The following ADGRL2 variants were observed in gnomAD, a reference collection of about 807,000 sequenced individuals.
The protein encoded by ADGRL2 is calcium-independent alpha-latrotoxin receptor 2.
ADGRL2 carries 44 observed loss-of-function variants against 157.4 expected under a neutral mutation model. The ratio of observed to expected loss-of-function variants is 0.28; its 90% CI spans 0.22 to 0.36. The LOEUF (loss-of-function observed/expected upper bound fraction) is 0.36, where lower values mean the gene tolerates loss of function less well. Among genes scored for constraint, ADGRL2 ranks in the 10% least tolerant of loss-of-function variants. The pLI is 1.00. For synonymous variants in ADGRL2, 585 were observed against 624.7 expected (o/e 0.94, Z 0.95); for missense variants, 1,510 against 1,768.9 (o/e 0.85, Z 2.63).
At chr1:81,550,006 C>A (rs2080107472) in intron 2 of ADGRL2, among the ~76,000 whole-genome samples, 1 of 152,092 alleles carries the variant, frequency 6.6e-6, no homozygotes, top group Non-Finnish European at 1.5e-5. Context: ...CCCTTGATAC[C>A]TAATAACTTC....
At chr1:81,885,490 C>T (rs1450107562) in intron 2 of ADGRL2, among the ~76,000 whole-genome samples, 1 of 152,156 alleles carries the variant, frequency 6.6e-6, no homozygotes, top group African/African-American at 2.4e-5. Context: ...CAAGAATATA[C>T]TACTGCTTAC....
rs764039251 is a variant in ADGRL2 at position 81,343,087 on chromosome 1, C to CTTTTTTTTTTTTTTT, written c.-302+36582_-302+36583insTTTTTTTTTTTTTTT. ...TTTTTCTTTTCTTTTTTTCTTTTTT[C>CTTTTTTTTTTTTTTT]TTTTCTTTTTTTTTTTTTTGAGACA... On this transcript the variant is annotated intron_variant, in intron 1 of 24. Coordinates refer to the ADGRL2 transcript ENST00000370721. 1.1e-3 allele frequency among the ~76,000 whole-genome samples: 146 copies of CTTTTTTTTTTTTTTT among 127,460 alleles called. 4 individuals are homozygous for CTTTTTTTTTTTTTTT. The highest frequency in any genetic ancestry group is 1.5e-3 in the Non-Finnish European group (93 of 60,060). The allele number at this position is 127,460 out of a possible 152,430, so 83.6% of individuals were successfully genotyped here.
intron 2 of ADGRL2, among the ~76,000 whole-genome samples, chr1:81,467,412 G>A (rs187981316): frequency 6.6e-4 from 100 of 152,248 alleles, no homozygotes; most frequent in Non-Finnish European, 1.1e-3. Context: ...AAAACAAAGA[G>A]TAAAAATAAA....
intron 2 of ADGRL2, among the ~76,000 whole-genome samples, chr1:81,765,116 T>A (rs1418970731): frequency 6.6e-6 from 1 of 151,982 alleles, no homozygotes; most frequent in Non-Finnish European, 1.5e-5. Flanking sequence ...GAGATAACAT[T>A]GTAAATGACC....
At chr1:81,549,924 A>G (rs971613643) in intron 2 of ADGRL2, among the ~76,000 whole-genome samples, 2 of 102,484 alleles carry the variant, frequency 2.0e-5, no homozygotes, top group Non-Finnish European at 4.4e-5. Flanking sequence ...ATTACAAAAG[A>G]TAACCTGCTA....
intron 3 of ADGRL2, among the ~76,000 whole-genome samples, chr1:81,632,950 T>G (rs1403939253): frequency 6.6e-6 from 1 of 152,054 alleles, no homozygotes. Context: ...TATAATAGAT[T>G]TTTTTATATA....
intron 1 of ADGRL2, among the ~76,000 whole-genome samples, chr1:81,422,660 A>G (rs2077146785): frequency 1.3e-5 from 2 of 152,254 alleles, no homozygotes; most frequent in Non-Finnish European, 2.9e-5. Context: ...TACTCTTTTA[A>G]GAAATTATAA....
At chr1:81,863,681 G>A (rs2093452573) in intron 2 of ADGRL2, among the ~76,000 whole-genome samples, 2 of 151,996 alleles carry the variant, frequency 1.3e-5, no homozygotes, top group Admixed American at 1.3e-4. Context: ...CTAATTAAGG[G>A]GTGAACTCAA....
In ADGRL2 at chr1:81,955,831, G is replaced by T. The variant is rs770878021; in HGVS notation, c.1834-46G>T. On this transcript the variant is annotated intron_variant, in intron 10 of 23. Transcript: ENST00000686636. Reference sequence around the variant, plus strand: ...TCATCAGCTACTGAAAATCACTTTGGTTCTAAAAGCGGTCAAAACTAATGA... The same window carrying T: ...TCATCAGCTACTGAAAATCACTTTGTTTCTAAAAGCGGTCAAAACTAATGA... 3.8e-6 allele frequency: 5 copies of T among 1,300,698 alleles called. No homozygotes were observed. In the Admixed American group the frequency reaches 7.3e-5, roughly 19 times the overall value. 80.6% of individuals were successfully genotyped at this position (1,300,698 alleles called of 1,614,324 possible).
chr1:81,498,806 A>T (rs554925281), intron 2 of ADGRL2, among the ~76,000 whole-genome samples: 28 of 152,314 alleles, frequency 1.8e-4, no homozygotes, highest in African/African-American at 6.7e-4. Flanking sequence ...GAAAAAAAAA[A>T]TAAGTCTTTA....
At chr1:81,782,948 G>A (rs111407970) in intron 2 of ADGRL2, among the ~76,000 whole-genome samples, 9 of 152,118 alleles carry the variant, frequency 5.9e-5, no homozygotes, top group Non-Finnish European at 1.3e-4. Flanking sequence ...GTAATTGGCC[G>A]GCTTTATCAT....
At chr1:81,883,994 CT>C (rs11330228) in intron 2 of ADGRL2, among the ~76,000 whole-genome samples, 130,877 of 145,142 alleles carry the variant, frequency 0.9, 58,904 homozygotes, top group East Asian at 0.93. Flanking sequence ...ATGAAATTGT[CT>C]TTTTTTTTTT....
At chr1:81,574,074 T>A (rs562817210) in intron 2 of ADGRL2, among the ~76,000 whole-genome samples, 2 of 152,270 alleles carry the variant, frequency 1.3e-5, no homozygotes, top group African/African-American at 4.8e-5. Context: ...AGCATTATAG[T>A]AAGTTATTAC....
chr1:81,468,040 T>G (rs2078096633), intron 2 of ADGRL2, among the ~76,000 whole-genome samples: 2 of 152,158 alleles, frequency 1.3e-5, no homozygotes, highest in Admixed American at 1.3e-4. Context: ...ATTTAAAATT[T>G]TAGGGAAATT....
chr1:81,611,853 G>A (rs1192796470), intron 3 of ADGRL2, among the ~76,000 whole-genome samples: 3 of 152,020 alleles, frequency 2.0e-5, no homozygotes, highest in Admixed American at 2.0e-4. Flanking sequence ...GTGGGTCCTG[G>A]GAGAGTTTCC....
chr1:81,760,546 C>T (rs2085841882), intron 1 of ADGRL2, among the ~76,000 whole-genome samples: 1 of 151,770 alleles, frequency 6.6e-6, no homozygotes, highest in South Asian at 2.1e-4. Flanking sequence ...CTTGGTCTGC[C>T]TAAACTTTCT....
intron 1 of ADGRL2, among the ~76,000 whole-genome samples, chr1:81,827,206 A>G (rs1481953239): frequency 1.3e-5 from 2 of 152,198 alleles, no homozygotes; most frequent in Non-Finnish European, 2.9e-5. Context: ...AGCATTATAC[A>G]AGAAACTTAG....
At chr1:81,670,470 C>A (rs186898459) in intron 3 of ADGRL2, among the ~76,000 whole-genome samples, 1 of 152,172 alleles carries the variant, frequency 6.6e-6, no homozygotes, top group African/African-American at 2.4e-5. Flanking sequence ...ACGGACTCCT[C>A]TGGCACGAAG....
intron 1 of ADGRL2, among the ~76,000 whole-genome samples, chr1:81,439,579 G>A (rs1043292814): frequency 3.3e-5 from 5 of 152,312 alleles, no homozygotes; most frequent in Admixed American, 6.5e-5. Context: ...TCTGGGTGTC[G>A]ACACAGATGC....
Sources: gnomAD v4.1 joint callset for allele counts (sites outside exome capture counted in the v4.1 genomes callset) on GRCh38, gnomAD v4.1.1 for gene constraint, MANE v1.5 for transcripts, NCBI Gene and HGNC (gene_info 2026-07-23, HGNC 2026-07-21) for gene names.